Variants in THSD4 observed in about 807,000 individuals in gnomAD.
The protein encoded by THSD4 is thrombospondin type 1 domain containing 4, also known as thrombospondin type-1 domain-containing protein 4.
THSD4 carries 69 observed loss-of-function variants against 119.0 expected under a neutral mutation model. The ratio of observed to expected loss-of-function variants is 0.58; its 90% CI spans 0.48 to 0.71. The LOEUF (loss-of-function observed/expected upper bound fraction) is 0.71. Among genes scored for constraint, THSD4 ranks in the 30% least tolerant of loss-of-function variants. The pLI, the probability that THSD4 is intolerant of heterozygous loss-of-function variation, is 0.00. For synonymous variants in THSD4, 524 were observed against 540.4 expected, an observed-to-expected ratio of 0.97 and a Z score of 0.42; for missense variants, 1,393 against 1,391.1, an observed-to-expected ratio of 1.00 and a Z score of -0.02.
At chr15:71,463,862 A>G (rs536316281) in intron 7 of THSD4, among the ~76,000 whole-genome samples, 1 of 152,284 alleles carries the variant, frequency 6.6e-6, no homozygotes, top group South Asian at 2.1e-4. Context: ...TCCTTCTACC[A>G]TCAGGATCAT....
At chr15:71,136,657 C>G (rs958848901) in intron 1 of THSD4, among the ~76,000 whole-genome samples, 2 of 141,484 alleles carry the variant, frequency 1.4e-5, no homozygotes, top group African/African-American at 2.5e-5. Context: ...CAGAGGACAG[C>G]GTGTGTAGGA....
At chr15:71,611,553 G>A (rs2050228687) in intron 7 of THSD4, among the ~76,000 whole-genome samples, 1 of 152,200 alleles carries the variant, frequency 6.6e-6, no homozygotes, top group South Asian at 2.1e-4. Flanking sequence ...GCTAAGCACT[G>A]GGGACCCCCA....
At chr15:71,727,787 G>GT (rs1487850431) in intron 8 of THSD4, among the ~76,000 whole-genome samples, 3 of 149,114 alleles carry the variant, frequency 2.0e-5, no homozygotes, top group Non-Finnish European at 4.4e-5. Flanking sequence ...AAAGGGGAGG[G>GT]CTGGGAGGGG....
intron 16 of THSD4, among the ~76,000 whole-genome samples, chr15:71,769,927 TTAAAA>T (rs2053787922): frequency 1.5e-5 from 1 of 65,056 alleles, no homozygotes; most frequent in African/African-American, 9.6e-5. Flanking sequence ...AAAAATAAAT[TTAAAA>T]AAAAAAAAAA....
At chr15:71,620,254 G>A (rs1167699534) in intron 7 of THSD4, among the ~76,000 whole-genome samples, 2 of 152,088 alleles carry the variant, frequency 1.3e-5, no homozygotes, top group Non-Finnish European at 2.9e-5. Flanking sequence ...GCTAACTAAT[G>A]AAAAATGCTT....
chr15:71,699,303 C>G, intron 8 of THSD4, among the ~76,000 whole-genome samples: 1 of 64,792 alleles, frequency 1.5e-5, no homozygotes, highest in Non-Finnish European at 2.7e-5. Flanking sequence ...AGCTCCGCCT[C>G]CCGGGTTCAC....
At chr15:71,149,469 G>A (rs762816228) in intron 2 of THSD4, among the ~76,000 whole-genome samples, 20 of 151,892 alleles carry the variant, frequency 1.3e-4, no homozygotes, top group African/African-American at 4.6e-4. Context: ...GGCTGGTCTC[G>A]AACTTGTGAC....
At chr15:71,683,962 A>G (rs1344910756) in intron 8 of THSD4, among the ~76,000 whole-genome samples, 1 of 152,184 alleles carries the variant, frequency 6.6e-6, no homozygotes, top group Non-Finnish European at 1.5e-5. Context: ...CGACAGAGCA[A>G]GACTCCATCT....
At chr15:71,450,389 CAGAG>C (rs1321567724) in intron 7 of THSD4, among the ~76,000 whole-genome samples, 3 of 151,942 alleles carry the variant, frequency 2.0e-5, no homozygotes, top group African/African-American at 4.8e-5. Flanking sequence ...TATGCCCACT[CAGAG>C]AGGGTTGGGG....
intron 2 of THSD4, among the ~76,000 whole-genome samples, chr15:71,152,843 C>T (rs1343192562): frequency 1.3e-5 from 2 of 152,166 alleles, no homozygotes; most frequent in African/African-American, 4.8e-5. Flanking sequence ...TCCTTAAGAT[C>T]CACCTCCGCA....
In THSD4 at chr15:71,778,929, T is replaced by C. The variant is rs2053958887; in HGVS notation, c.*1555T>C. 1 of 152,274 alleles carries C rather than the reference T, an allele frequency of 6.6e-6. No homozygotes were observed. Among genetic ancestry groups the C allele is most frequent in the Admixed American group, 6.5e-5 (1 of 15,294 alleles). The allele number at this position is 152,274 out of a possible 1,614,324, so 9.4% of individuals were successfully genotyped here. On this transcript the variant is annotated 3_prime_UTR_variant, in exon 18 of 18. Transcript: ENST00000261862. ...AAGAAAAAATGGCAAGCTAAACAAA[T>C]GTTAAACTTACAGAAAATTTGTCTT...
intron 7 of THSD4, among the ~76,000 whole-genome samples, chr15:71,616,782 A>C (rs1236965126): frequency 6.6e-6 from 1 of 152,196 alleles, no homozygotes; most frequent in Non-Finnish European, 1.5e-5. Flanking sequence ...AGAGGCTTGG[A>C]TTGGACTGGG....
At chr15:71,218,064 G>GTAAT (rs1206046627) in intron 4 of THSD4, among the ~76,000 whole-genome samples, 6 of 151,624 alleles carry the variant, frequency 4.0e-5, no homozygotes, top group African/African-American at 1.5e-4. Context: ...GAGTCACCGT[G>GTAAT]CGTGGCCTCC....
rs375874810 is a variant in THSD4, at chr15:71,601,729, C to T, written c.1153-58801C>T. Among the ~76,000 whole-genome samples the T allele has an allele frequency of 1.1e-4, 17 of 152,296 alleles. No individual in the cohort carries two copies. The East Asian group carries it at 1.3e-3, about 12-fold the overall frequency. ...GAAATGTCACTATTTATTGCTTCAGCGTCATCTGGTAATGGAAGTTTGGTT... is the reference window on the plus strand; with the variant it reads ...GAAATGTCACTATTTATTGCTTCAGTGTCATCTGGTAATGGAAGTTTGGTT... On this transcript the variant is annotated intron_variant, in intron 7 of 17. Coordinates refer to ENST00000261862, the MANE Select transcript of THSD4 (RefSeq NM_024817.3).
chr15:71,530,245 C>T (rs1214638337), intron 7 of THSD4, among the ~76,000 whole-genome samples: 1 of 152,142 alleles, frequency 6.6e-6, no homozygotes, highest in Non-Finnish European at 1.5e-5. Context: ...GTTACAGCAG[C>T]TCAGGGGCCA....
At chr15:71,742,122 T>G (rs2053247908) in intron 11 of THSD4, among the ~76,000 whole-genome samples, 1 of 152,224 alleles carries the variant, frequency 6.6e-6, no homozygotes. Context: ...CCCCTTGTGA[T>G]CCCATTGTGT....
intron 2 of THSD4, chr15:71,147,836 T>C (rs1567138052): frequency 6.6e-6 from 1 of 151,914 alleles, no homozygotes; most frequent in African/African-American, 2.4e-5. Context: ...TGGGTGTGGT[T>C]GCATACACCT....
chr15:71,307,748 C>T (rs938900113), intron 6 of THSD4, among the ~76,000 whole-genome samples: 18 of 152,090 alleles, frequency 1.2e-4, no homozygotes, highest in Admixed American at 2.6e-4. Context: ...CCAGCCTGGG[C>T]GACAGAGCTA....
chr15:71,677,795 G>T (rs2051683749), intron 8 of THSD4, among the ~76,000 whole-genome samples: 1 of 152,200 alleles, frequency 6.6e-6, no homozygotes, highest in South Asian at 2.1e-4. Flanking sequence ...TAGTTAAGCT[G>T]TGGTTTGTTT....
Sources: allele counts gnomAD v4.1 joint callset (sites outside exome capture counted in the v4.1 genomes callset), GRCh38; gene constraint gnomAD v4.1.1; transcripts MANE v1.5; gene names NCBI Gene and HGNC (gene_info 2026-07-23, HGNC 2026-07-21).